Variants in ATP10B observed in about 807,000 individuals in gnomAD.
The protein encoded by ATP10B is ATPase phospholipid transporting 10B (putative), also known as phospholipid-transporting ATPase VB.
A neutral mutation model predicts 141.2 loss-of-function variants in ATP10B; 122 were observed. That is an observed-to-expected ratio of 0.86 (90% CI 0.75 to 1.00). The LOEUF (loss-of-function observed/expected upper bound fraction) is 1.00. Among genes scored for constraint, ATP10B ranks in the 50% least tolerant of loss-of-function variants. The pLI, the probability that ATP10B is intolerant of heterozygous loss-of-function variation, is 0.00. For synonymous variants in ATP10B, 685 were observed against 692.0 expected, an observed-to-expected ratio of 0.99 and a Z score of 0.16; for missense variants, 1,876 against 1,825.3, an observed-to-expected ratio of 1.03 and a Z score of -0.51.
chr5:160,861,581 C>A, the ATP10B span, among the ~76,000 whole-genome samples: 3 of 151,708 alleles, frequency 2.0e-5, no homozygotes, highest in Non-Finnish European at 2.9e-5. Context: ...TTTTGATATT[C>A]GTAAAGTATG....
chr5:160,795,640 G>A (rs1397755050), intron 1 of ATP10B, among the ~76,000 whole-genome samples: 1 of 151,790 alleles, frequency 6.6e-6, no homozygotes, highest in Non-Finnish European at 1.5e-5. Flanking sequence ...GAGTTGAGAG[G>A]ATCATCCTAG....
At chr5:160,605,457 T>C (rs1407899918) in intron 19 of ATP10B, among the ~76,000 whole-genome samples, 1 of 152,188 alleles carries the variant, frequency 6.6e-6, no homozygotes, top group African/African-American at 2.4e-5. Context: ...GCCACACTGG[T>C]TTTGTTTCTG....
chr5:160,659,684 G>C (rs1162256667), intron 7 of ATP10B, among the ~76,000 whole-genome samples: 2 of 151,888 alleles, frequency 1.3e-5, no homozygotes, highest in African/African-American at 4.8e-5. Context: ...ACCACAAGGA[G>C]GCCAGAAGTC....
intron 8 of ATP10B, among the ~76,000 whole-genome samples, chr5:160,648,953 G>A (rs1275833895): frequency 3.0e-4 from 39 of 130,758 alleles, no homozygotes; most frequent in African/African-American, 1.1e-3. Flanking sequence ...TAACAACATT[G>A]GTGAATTTAA....
chr5:160,592,799 G>A (rs1040518167), intron 22 of ATP10B, among the ~76,000 whole-genome samples: 2 of 152,244 alleles, frequency 1.3e-5, no homozygotes, highest in African/African-American at 2.4e-5. Flanking sequence ...CGCCCATGGA[G>A]TCTCGCTGAT....
chr5:160,685,740 T>C (rs1021108023), intron 6 of ATP10B, among the ~76,000 whole-genome samples: 2 of 152,220 alleles, frequency 1.3e-5, no homozygotes, highest in African/African-American at 2.4e-5. Context: ...TGAGTGCTTA[T>C]ACAACTTAAA....
chr5:160,917,237 G>A, the ATP10B span, among the ~76,000 whole-genome samples: 5 of 151,018 alleles, frequency 3.3e-5, no homozygotes, highest in South Asian at 4.2e-4. Context: ...GAGCTGGGTT[G>A]TGGGGCCAGG....
At chr5:160,922,032 G>C in the ATP10B span, among the ~76,000 whole-genome samples, 1 of 152,214 alleles carries the variant, frequency 6.6e-6, no homozygotes, top group Admixed American at 6.5e-5. Flanking sequence ...GCATTTAACA[G>C]TAGGTGACAT....
At chr5:160,620,268 A>G in intron 15 of ATP10B, 79 bp downstream of exon 15, 1 of 1,507,102 alleles carries the variant, frequency 6.6e-7, no homozygotes, top group Non-Finnish European at 8.9e-7. Flanking sequence ...CTACAACTTG[A>G]GCTTCTTATT....
the ATP10B span, among the ~76,000 whole-genome samples, chr5:160,873,112 A>AG: frequency 7.5e-5 from 2 of 26,738 alleles, no homozygotes; most frequent in Non-Finnish European, 7.6e-4. Flanking sequence ...TATATTCCTA[A>AG]GGTTTTTTTT....
intron 1 of ATP10B, among the ~76,000 whole-genome samples, chr5:160,830,336 T>A (rs1774972119): frequency 6.6e-6 from 1 of 152,148 alleles, no homozygotes; most frequent in Non-Finnish European, 1.5e-5. Context: ...ACTTCTTAAC[T>A]TTTTTAATTG....
At chr5:160,573,878 A>G (rs988783534) in intron 24 of ATP10B, among the ~76,000 whole-genome samples, 1 of 152,166 alleles carries the variant, frequency 6.6e-6, no homozygotes, top group Non-Finnish European at 1.5e-5. Flanking sequence ...TTTCTGATCG[A>G]TGAATATTTA....
At chr5:160,898,395 A>G in the ATP10B span, among the ~76,000 whole-genome samples, 2 of 152,218 alleles carry the variant, frequency 1.3e-5, no homozygotes, top group African/African-American at 4.8e-5. Flanking sequence ...TATGAAAAAA[A>G]GCTCATAATC....
At chr5:160,599,561 G>GA (rs535604729) in intron 21 of ATP10B, among the ~76,000 whole-genome samples, 44 of 152,286 alleles carry the variant, frequency 2.9e-4, no homozygotes, top group Admixed American at 7.8e-4. Flanking sequence ...AGTGGTAATA[G>GA]AAAGGGATGT....
intron 2 of ATP10B, among the ~76,000 whole-genome samples, chr5:160,775,318 T>G (rs1417815313): frequency 6.6e-6 from 1 of 152,140 alleles, no homozygotes; most frequent in Non-Finnish European, 1.5e-5. Flanking sequence ...CTAAGCAGAG[T>G]GCAGGAAGGC....
intron 23 of ATP10B, 31 bp downstream of exon 23, chr5:160,591,028 T>C (rs1756254369): frequency 6.4e-7 from 1 of 1,573,602 alleles, no homozygotes; most frequent in African/African-American, 1.4e-5. Flanking sequence ...CTCTGCAATT[T>C]ATGTGGTTAG....
chr5:160,760,609 C>A (rs1768959864), intron 2 of ATP10B, among the ~76,000 whole-genome samples: 1 of 152,128 alleles, frequency 6.6e-6, no homozygotes. Context: ...TCACCCTCAC[C>A]ATGGTTTTGT....
chr5:160,754,605 G>C (rs1442925303), intron 2 of ATP10B, among the ~76,000 whole-genome samples: 1 of 151,992 alleles, frequency 6.6e-6, no homozygotes, highest in Non-Finnish European at 1.5e-5. Flanking sequence ...ACTTAATGAT[G>C]AAGATTACCC....
At chr5:160,654,769 G>C (rs1581280243) in intron 7 of ATP10B, among the ~76,000 whole-genome samples, 1 of 152,178 alleles carries the variant, frequency 6.6e-6, no homozygotes, top group East Asian at 1.9e-4. Context: ...AGCACTTATT[G>C]AATGCTTGTT....
Sources: allele counts gnomAD v4.1 joint callset (sites outside exome capture counted in the v4.1 genomes callset), GRCh38; gene constraint gnomAD v4.1.1; transcripts MANE v1.5; gene names NCBI Gene and HGNC (gene_info 2026-07-23, HGNC 2026-07-21).